LPP: variants seen among roughly 807,000 people sequenced by gnomAD.
LPP encodes LIM domain containing preferred translocation partner in lipoma, also known as lipoma-preferred partner.
A neutral mutation model predicts 60.4 loss-of-function variants in LPP; 38 were observed. The ratio of observed to expected loss-of-function variants is 0.63; its 90% CI spans 0.49 to 0.83. The LOEUF (loss-of-function observed/expected upper bound fraction) is 0.83. Among genes scored for constraint, LPP ranks in the 40% least tolerant of loss-of-function variants. The pLI, the probability that LPP is intolerant of heterozygous loss-of-function variation, is 0.00. For synonymous variants in LPP, 328 were observed against 290.8 expected (o/e 1.13, Z -1.30); for missense variants, 902 against 783.6 (o/e 1.15, Z -1.80).
intron 6 of LPP, among the ~76,000 whole-genome samples, chr3:188,589,306 C>T (rs1166848905): frequency 6.6e-6 from 1 of 152,066 alleles, no homozygotes; most frequent in Non-Finnish European, 1.5e-5. Context: ...ATGTGAGTTC[C>T]TCTTATTGAG....
intron 3 of LPP, among the ~76,000 whole-genome samples, chr3:188,386,797 T>G (rs777691992): frequency 3.9e-5 from 6 of 152,168 alleles, no homozygotes; most frequent in Non-Finnish European, 8.8e-5. Flanking sequence ...TAATTCAAAC[T>G]CCAGCCCATC....
At chr3:188,507,868 C>G (rs968512184) in intron 5 of LPP, among the ~76,000 whole-genome samples, 1 of 152,104 alleles carries the variant, frequency 6.6e-6, no homozygotes, top group Admixed American at 6.5e-5. Context: ...TAAAAGTTTC[C>G]CTGACTGCTT....
At position 188,352,804 on chromosome 3, in the gene LPP, A is replaced by G. The variant is rs956110655; in HGVS notation, c.-10+11085A>G. Among the ~76,000 whole-genome samples, 2 of 152,214 alleles carry G rather than the reference A, an allele frequency of 1.3e-5. No individual in the cohort carries two copies. Among genetic ancestry groups the G allele is most frequent in the Non-Finnish European group, 2.9e-5 (2 of 68,036 alleles). The stretch of plus-strand genomic sequence containing the variant: ...TGCCGTGCCTAGGAGTGGGCAGAGA[A>G]GGTGAAGACACGGAGAGTAACTCAG... On this transcript the variant is annotated intron_variant, in intron 3 of 11. Transcript: ENST00000617246. This position sits in a 1 kb window ranked among gnomAD's most constrained non-coding sequence, Gnocchi z 4.4.
intron 2 of LPP, among the ~76,000 whole-genome samples, chr3:188,284,827 C>A (rs1350301749): frequency 6.6e-6 from 1 of 152,238 alleles, no homozygotes; most frequent in Non-Finnish European, 1.5e-5. Flanking sequence ...CCCTCTCAGG[C>A]AGGTAGTGAG....
chr3:188,593,871 G>A (rs747952496), intron 6 of LPP, among the ~76,000 whole-genome samples: 45 of 152,112 alleles, frequency 3.0e-4, no homozygotes, highest in Non-Finnish European at 5.0e-4. Context: ...TTGGTTCCAC[G>A]ATTTGCTACT....
At chr3:188,580,775 A>G (rs2150976333) in intron 6 of LPP, among the ~76,000 whole-genome samples, 2 of 152,286 alleles carry the variant, frequency 1.3e-5, no homozygotes, top group East Asian at 3.9e-4. Context: ...ATATTAAGAC[A>G]TTAATTGGGA....
At chr3:188,687,403 A>C (rs976377057) in intron 7 of LPP, among the ~76,000 whole-genome samples, 1 of 152,098 alleles carries the variant, frequency 6.6e-6, no homozygotes, top group Non-Finnish European at 1.5e-5. Context: ...ATGTCAAGGG[A>C]GGGAGGTGAT....
intron 1 of LPP, among the ~76,000 whole-genome samples, chr3:188,162,537 T>C (rs964709698): frequency 2.0e-5 from 3 of 152,226 alleles, no homozygotes; most frequent in African/African-American, 7.2e-5. Flanking sequence ...AGTTCAAAGA[T>C]CTGGGCTTCA....
intron 2 of LPP, among the ~76,000 whole-genome samples, chr3:188,311,692 G>T (rs1041339893): frequency 4.0e-5 from 6 of 151,548 alleles, no homozygotes; most frequent in African/African-American, 1.2e-4. Flanking sequence ...AGGCTTGAGT[G>T]CAGTGGCCTG....
intron 6 of LPP, among the ~76,000 whole-genome samples, chr3:188,531,051 A>G (rs1383026629): frequency 6.6e-6 from 1 of 152,188 alleles, no homozygotes; most frequent in East Asian, 1.9e-4. Context: ...TTCCCCAAGT[A>G]AGTTTGGTAG....
rs1441912836 is a variant in LPP, at chr3:188,888,142, G to A, written c.*13663G>A. ...CTGTATAATAAACCACTTTTGTTTT[G>A]TTTGTTTTGTCTTTTAACCTACACC... On this transcript the variant is annotated 3_prime_UTR_variant, in exon 12 of 12. Transcript: ENST00000617246. 4.6e-6 allele frequency: 1 copy of A among 219,722 alleles called. No homozygotes were observed. The highest frequency in any genetic ancestry group is 9.1e-6 in the Non-Finnish European group (1 of 109,562). The allele number at this position is 219,722 out of a possible 1,614,324, so 13.6% of individuals were successfully genotyped here. A position where few individuals can be genotyped will look rare whatever the true frequency, so the allele number is the denominator to read the frequency against.
Position 188,634,058 on chromosome 3 carries a change from A to G in LPP, c.1113+24214A>G, listed in dbSNP as rs1049908647. Among the ~76,000 whole-genome samples, 5 of 152,236 alleles carry G rather than the reference A, an allele frequency of 3.3e-5. No homozygotes were observed. The South Asian group carries it at 1.0e-3, about 32-fold the overall frequency. On this transcript the variant is annotated intron_variant, in intron 7 of 11. Coordinates refer to ENST00000617246, the MANE Select transcript of LPP (RefSeq NM_001375462.1). ...GGGGATCTACACAAAAGTCTGCATG[A>G]AAATATTCCATATAAAGAATAGTTA... is the stretch of plus-strand genomic sequence containing the variant.
At chr3:188,447,390 T>A (rs1299929884) in intron 4 of LPP, among the ~76,000 whole-genome samples, 1 of 152,014 alleles carries the variant, frequency 6.6e-6, no homozygotes, top group African/African-American at 2.4e-5. Flanking sequence ...GGTGGGAGGA[T>A]CATGAGGTCA....
intron 8 of LPP, chr3:188,709,201 G>T (rs114489025): frequency 1.3e-5 from 2 of 152,098 alleles, no homozygotes; most frequent in Non-Finnish European, 2.9e-5. Flanking sequence ...TATGCCGATT[G>T]TGAGGTTCTG....
chr3:188,355,327 G>A (rs1186198281), intron 3 of LPP, among the ~76,000 whole-genome samples: 3 of 152,112 alleles, frequency 2.0e-5, no homozygotes, highest in African/African-American at 7.2e-5. Flanking sequence ...GACATTTTAT[G>A]TATGATCGTC....
At chr3:188,329,125 A>G (rs766491184) in intron 2 of LPP, among the ~76,000 whole-genome samples, 1 of 151,950 alleles carries the variant, frequency 6.6e-6, no homozygotes, top group Admixed American at 6.6e-5. Flanking sequence ...GGTCTAAGGG[A>G]CTCCTACACA....
intron 3 of LPP, among the ~76,000 whole-genome samples, chr3:188,399,796 C>T (rs1219602545): frequency 1.3e-5 from 2 of 152,108 alleles, no homozygotes; most frequent in African/African-American, 4.8e-5. Context: ...GTTTGTTTTT[C>T]AGTTTTGGTG....
intron 9 of LPP, among the ~76,000 whole-genome samples, chr3:188,813,408 T>A (rs1364034919): frequency 6.6e-6 from 1 of 152,234 alleles, no homozygotes; most frequent in Admixed American, 6.5e-5. Context: ...TAAATCAGTA[T>A]CATTATTATT....
At chr3:188,759,981 T>G in intron 8 of LPP, 132 bp from the exon 9 acceptor site, 1 of 698,522 alleles carries the variant, frequency 1.4e-6, no homozygotes, top group Admixed American at 2.4e-5. Flanking sequence ...GGGGTAATAG[T>G]ACTGGGGTAA....
Sources: allele counts gnomAD v4.1 joint callset (sites outside exome capture counted in the v4.1 genomes callset), GRCh38; gene constraint gnomAD v4.1.1; non-coding constraint Gnocchi (gnomAD v3.1); transcripts MANE v1.5; gene names NCBI Gene and HGNC (gene_info 2026-07-23, HGNC 2026-07-21).